ALG14: variants seen among roughly 807,000 people sequenced by gnomAD.
ALG14 encodes UDP-N-acetylglucosamine transferase subunit ALG14.
In ALG14, 17 loss-of-function variants were observed where a neutral mutation model predicts 22.8. That is an observed-to-expected ratio of 0.75 (90% CI 0.51 to 1.12). The LOEUF (loss-of-function observed/expected upper bound fraction) is 1.12. Ranked by LOEUF, ALG14 falls within the 50% of genes most tolerant of loss-of-function variation. The pLI, the probability that ALG14 is intolerant of heterozygous loss-of-function variation, is 0.00. For synonymous variants in ALG14, 89 were observed against 103.7 expected (o/e 0.86, Z 0.86); for missense variants, 288 against 271.8 (o/e 1.06, Z -0.42).
chr1:95,055,366 T>C (rs1366625823), intron 2 of ALG14, among the ~76,000 whole-genome samples: 1 of 152,112 alleles, frequency 6.6e-6, no homozygotes, highest in Non-Finnish European at 1.5e-5. Context: ...AAAAATCAAG[T>C]GTATCTCTAC....
Position 94,979,165 on chromosome 1 carries a change from T to A in ALG14, c.*3911A>T, listed in dbSNP as rs1672449908. 6.6e-6 allele frequency: 1 copy of A among 151,826 alleles called. No individual in the cohort carries two copies. The highest frequency in any genetic ancestry group is 6.6e-5 in the Admixed American group (1 of 15,246). The allele number at this position is 151,826 out of a possible 1,614,324, so 9.4% of individuals were successfully genotyped here. A position where few individuals can be genotyped will look rare whatever the true frequency, so the allele number is the denominator to read the frequency against. ...CAGGTGTGGTGGTGCATGCCTGTAA[T>A]CCCAGCTACTCGGGAGGCTGAGGCA... is the stretch of plus-strand genomic sequence containing the variant. On this transcript the variant is annotated 3_prime_UTR_variant, in exon 4 of 4. Transcript: ENST00000370205.
At chr1:95,049,992 A>G (rs1674692233) in intron 2 of ALG14, among the ~76,000 whole-genome samples, 1 of 152,252 alleles carries the variant, frequency 6.6e-6, no homozygotes, top group Non-Finnish European at 1.5e-5. Flanking sequence ...ATTTCCTGTT[A>G]CTTATATAAC....
chr1:95,060,054 G>A (rs950601055), intron 2 of ALG14, among the ~76,000 whole-genome samples: 9 of 151,736 alleles, frequency 5.9e-5, no homozygotes, highest in Non-Finnish European at 1.2e-4. Flanking sequence ...ACCTTAGTAA[G>A]GCTTGGCAGG....
intron 2 of ALG14, among the ~76,000 whole-genome samples, chr1:95,039,381 C>G (rs1379346237): frequency 6.6e-6 from 1 of 152,050 alleles, no homozygotes; most frequent in African/African-American, 2.4e-5. Context: ...TGAAATACAT[C>G]AGAAGAATGA....
intron 1 of ALG14, among the ~76,000 whole-genome samples, chr1:95,069,560 TC>T (rs1309248138): frequency 6.6e-6 from 1 of 151,460 alleles, no homozygotes; most frequent in East Asian, 1.9e-4. Flanking sequence ...TAGTCTTTAT[TC>T]AAACCTAGAC....
chr1:94,983,396 G>T, intron 3 of ALG14, 90 bp from the exon 4 acceptor site: 1 of 1,045,312 alleles, frequency 9.6e-7, no homozygotes, highest in South Asian at 1.5e-5. Context: ...TTTCAGAGGG[G>T]ATCTGCTTAT....
At chr1:95,003,569 C>T (rs1402485440) in intron 3 of ALG14, among the ~76,000 whole-genome samples, 1 of 151,728 alleles carries the variant, frequency 6.6e-6, no homozygotes, top group Non-Finnish European at 1.5e-5. Flanking sequence ...CCTGCCTCCA[C>T]CTCCTGAGTA....
intron 1 of ALG14, among the ~76,000 whole-genome samples, chr1:95,069,768 T>C (rs959644560): frequency 6.6e-6 from 1 of 152,180 alleles, no homozygotes; most frequent in Admixed American, 6.5e-5. Flanking sequence ...CCCTGAGGCT[T>C]GCCATAGAAA....
chr1:95,034,223 TG>T (rs891128923), intron 2 of ALG14, among the ~76,000 whole-genome samples: 10 of 152,336 alleles, frequency 6.6e-5, no homozygotes, highest in African/African-American at 2.4e-4. Flanking sequence ...TCCAAATATG[TG>T]GTCTCTCCAC....
chr1:95,014,733 TA>T (rs1174766475), intron 3 of ALG14, among the ~76,000 whole-genome samples: 1 of 152,216 alleles, frequency 6.6e-6, no homozygotes, highest in African/African-American at 2.4e-5. Flanking sequence ...ATAAAAAGCT[TA>T]TAACAAAATT....
At chr1:95,060,235 A>G (rs1313926661) in intron 2 of ALG14, among the ~76,000 whole-genome samples, 1 of 151,716 alleles carries the variant, frequency 6.6e-6, no homozygotes, top group African/African-American at 2.4e-5. Context: ...TCAACAGCTC[A>G]TTTGCATCTC....
intron 2 of ALG14, among the ~76,000 whole-genome samples, chr1:95,045,442 T>A (rs1674515693): frequency 6.6e-6 from 1 of 152,092 alleles, no homozygotes; most frequent in Admixed American, 6.6e-5. Context: ...AATAATAGGT[T>A]ATTTGTGCAA....
chr1:95,064,867 A>G lies in ALG14; in HGVS notation c.287T>C (p.Met96Thr), dbSNP rs2100841148. Residue 96 changes from methionine (M) to threonine (T), a missense_variant and splice_region_variant, in exon 2 of 4, where the codon ATG becomes ACG. Coordinates refer to ENST00000370205, the MANE Select transcript of ALG14 (RefSeq NM_144988.4). ...LDRADRDPSN[M>T]YTKYYIHRIP... ...TTAGAAATAGAAATTGTCACTTACC[A>G]TGTTACTAGGGTCTCTATCAGCTCG... 1 of 1,606,402 alleles carries G rather than the reference A, an allele frequency of 6.2e-7. No homozygotes were observed. The highest frequency in any genetic ancestry group is 8.5e-7 in the Non-Finnish European group (1 of 1,176,474).
intron 1 of ALG14, among the ~76,000 whole-genome samples, chr1:95,072,292 C>T (rs963313466): frequency 6.6e-6 from 1 of 152,076 alleles, no homozygotes; most frequent in Admixed American, 6.5e-5. Context: ...TCTGCCACCG[C>T]GTGTGTATTG....
intron 3 of ALG14, among the ~76,000 whole-genome samples, chr1:95,001,502 TTTTTAA>T (rs1673068050): frequency 6.6e-6 from 1 of 152,232 alleles, no homozygotes; most frequent in African/African-American, 2.4e-5. Context: ...CTTTTTTTAA[TTTTTAA>T]TTTTAAAGAC....
At chr1:94,986,142 A>G (rs1672633923) in intron 3 of ALG14, among the ~76,000 whole-genome samples, 1 of 152,234 alleles carries the variant, frequency 6.6e-6, no homozygotes, top group Non-Finnish European at 1.5e-5. Context: ...TTAATTTTAA[A>G]AAACACAGAA....
At chr1:94,991,851 ATCT>A (rs1267574218) in intron 3 of ALG14, among the ~76,000 whole-genome samples, 1 of 88,214 alleles carries the variant, frequency 1.1e-5, no homozygotes, top group Non-Finnish European at 2.1e-5. Flanking sequence ...GATTTTTTAT[ATCT>A]TTTTTTTTAA....
At chr1:95,050,242 A>G (rs1449706326) in intron 2 of ALG14, among the ~76,000 whole-genome samples, 1 of 152,232 alleles carries the variant, frequency 6.6e-6, no homozygotes, top group Non-Finnish European at 1.5e-5. Flanking sequence ...TTCACTTAAG[A>G]AGTCCGAAAA....
At chr1:95,033,418 TATACACAC>T (rs1176096701) in intron 2 of ALG14, among the ~76,000 whole-genome samples, 6 of 130,364 alleles carry the variant, frequency 4.6e-5, no homozygotes, top group Admixed American at 2.3e-4. Flanking sequence ...TATATATATA[TATACACAC>T]ACACACACAC....
Sources: gnomAD v4.1 joint callset for allele counts (sites outside exome capture counted in the v4.1 genomes callset) on GRCh38, gnomAD v4.1.1 for gene constraint, MANE v1.5 for transcripts, NCBI Gene and HGNC (gene_info 2026-07-23, HGNC 2026-07-21) for gene names.